The following CDH12 variants were observed in gnomAD, a reference collection of about 807,000 sequenced individuals.
CDH12 encodes the protein cadherin 12.
CDH12 carries 41 observed loss-of-function variants against 74.1 expected under a neutral mutation model. That is an observed-to-expected ratio of 0.55 (90% CI 0.43 to 0.72). The LOEUF (loss-of-function observed/expected upper bound fraction) is 0.72. CDH12 is among the 30% of genes least tolerant of loss of function. CDH12 has a pLI of 0.00. For synonymous variants in CDH12, 399 were observed against 355.0 expected (o/e 1.12, Z -1.39); for missense variants, 945 against 977.2 (o/e 0.97, Z 0.44).
intron 6 of CDH12, among the ~76,000 whole-genome samples, chr5:21,855,963 T>G (rs1750734895): frequency 6.6e-6 from 1 of 151,706 alleles, no homozygotes; most frequent in African/African-American, 2.4e-5. Context: ...GCCAAGGTCT[T>G]TCAGTTTAAA....
chr5:22,191,799 C>T (rs1177025222), intron 4 of CDH12, among the ~76,000 whole-genome samples: 1 of 151,808 alleles, frequency 6.6e-6, no homozygotes, highest in Non-Finnish European at 1.5e-5. Context: ...CTCCTGACCT[C>T]GTGATCCGCC....
At chr5:22,480,933 C>A (rs946036867) in intron 2 of CDH12, among the ~76,000 whole-genome samples, 1 of 152,136 alleles carries the variant, frequency 6.6e-6, no homozygotes, top group African/African-American at 2.4e-5. Context: ...ATTTTTCCAG[C>A]AAGAAATTAT....
At position 22,411,534 on chromosome 5, in the gene CDH12, G is replaced by T. The variant is rs1036910505; in HGVS notation, c.-427-6183C>A. Reference sequence around the variant, plus strand: ...AAAGATATTTCAGTCAGCATAATTCGAGCTCAAAAGATTAAAGCTATTTCA... The same window carrying T: ...AAAGATATTTCAGTCAGCATAATTCTAGCTCAAAAGATTAAAGCTATTTCA... On this transcript the variant is annotated intron_variant, in intron 2 of 14. Transcript: ENST00000382254. Among the ~76,000 whole-genome samples, 3 of 151,884 alleles carry T rather than the reference G, an allele frequency of 2.0e-5. No individual in the cohort carries two copies. The South Asian group carries it at 6.2e-4, about 31-fold the overall frequency.
intron 1 of CDH12, among the ~76,000 whole-genome samples, chr5:22,802,457 G>T (rs1340428760): frequency 1.3e-5 from 2 of 152,062 alleles, no homozygotes. Flanking sequence ...GTTAGTAATT[G>T]TTTCAAATTG....
chr5:22,780,655 A>G (rs1040956327), intron 1 of CDH12, among the ~76,000 whole-genome samples: 1 of 152,066 alleles, frequency 6.6e-6, no homozygotes, highest in Non-Finnish European at 1.5e-5. Context: ...CTCTCACGAT[A>G]TGTGGGGATT....
intron 1 of CDH12, among the ~76,000 whole-genome samples, chr5:22,732,918 A>G (rs1173668606): frequency 6.6e-6 from 1 of 151,854 alleles, no homozygotes; most frequent in Non-Finnish European, 1.5e-5. Flanking sequence ...AAACTAATAT[A>G]CCCACTTTTA....
chr5:22,261,750 C>T (rs577379757), intron 3 of CDH12, among the ~76,000 whole-genome samples: 18 of 147,924 alleles, frequency 1.2e-4, no homozygotes, highest in Admixed American at 2.0e-4. Flanking sequence ...GTGTCCCACA[C>T]GGGTGTCAAG....
At chr5:22,826,171 C>A (rs1734422221) in intron 1 of CDH12, among the ~76,000 whole-genome samples, 1 of 151,994 alleles carries the variant, frequency 6.6e-6, no homozygotes, top group African/African-American at 2.4e-5. Flanking sequence ...GGGGCTGGGT[C>A]TTTCTTGTGC....
intron 1 of CDH12, among the ~76,000 whole-genome samples, chr5:22,642,986 T>C (rs1007759009): frequency 1.3e-5 from 2 of 152,156 alleles, no homozygotes; most frequent in Non-Finnish European, 2.9e-5. Context: ...TGCTCCATAA[T>C]TCCCAGAGGT....
chr5:22,728,266 C>A (rs1054840457), intron 1 of CDH12, among the ~76,000 whole-genome samples: 1 of 151,548 alleles, frequency 6.6e-6, no homozygotes, highest in Non-Finnish European at 1.5e-5. Flanking sequence ...TGACATGTAA[C>A]TTTTGATTTT....
chr5:22,228,551 G>A (rs971113461), intron 3 of CDH12, among the ~76,000 whole-genome samples: 3 of 152,090 alleles, frequency 2.0e-5, no homozygotes, highest in Non-Finnish European at 4.4e-5. Context: ...AAGAACTCAT[G>A]TTTTATAAAA....
intron 1 of CDH12, among the ~76,000 whole-genome samples, chr5:22,808,766 T>G (rs1748956414): frequency 7.2e-6 from 1 of 139,440 alleles, no homozygotes; most frequent in Non-Finnish European, 1.6e-5. Flanking sequence ...CACCTGGTTT[T>G]TTTTTTTTTT....
chr5:21,887,462 T>C (rs928234782), intron 6 of CDH12, among the ~76,000 whole-genome samples: 1 of 152,174 alleles, frequency 6.6e-6, no homozygotes, highest in Non-Finnish European at 1.5e-5. Context: ...TTCTGATGAA[T>C]AGACAGATCT....
At chr5:22,627,135 G>A (rs960406001) in intron 1 of CDH12, among the ~76,000 whole-genome samples, 16 of 152,088 alleles carry the variant, frequency 1.1e-4, no homozygotes, top group Non-Finnish European at 2.4e-4. Flanking sequence ...AAAAGAGAGG[G>A]AGATGAAGCA....
chr5:22,561,636 T>C (rs1739053222), intron 1 of CDH12, among the ~76,000 whole-genome samples: 1 of 152,158 alleles, frequency 6.6e-6, no homozygotes, highest in Non-Finnish European at 1.5e-5. Context: ...AAAATTCACT[T>C]TCAACTTTGT....
At chr5:22,127,211 T>C (rs1580293161) in intron 4 of CDH12, among the ~76,000 whole-genome samples, 1 of 151,780 alleles carries the variant, frequency 6.6e-6, no homozygotes, top group African/African-American at 2.4e-5. Context: ...AAGAGAAAAA[T>C]GGCTGGGCAC....
intron 9 of CDH12, among the ~76,000 whole-genome samples, chr5:21,806,314 TC>T (rs1561200761): frequency 6.6e-6 from 1 of 152,148 alleles, no homozygotes; most frequent in Non-Finnish European, 1.5e-5. Flanking sequence ...CGTGGGCAGG[TC>T]TTTTCTATGC....
At chr5:22,411,105 C>A (rs1743152285) in intron 2 of CDH12, among the ~76,000 whole-genome samples, 1 of 149,342 alleles carries the variant, frequency 6.7e-6, no homozygotes, top group Non-Finnish European at 1.5e-5. Flanking sequence ...CAGGTATATA[C>A]AAAGATATAT....
chr5:21,891,112 A>G (rs1752878663), intron 6 of CDH12, among the ~76,000 whole-genome samples: 1 of 152,074 alleles, frequency 6.6e-6, no homozygotes, highest in South Asian at 2.1e-4. Flanking sequence ...ATCTATCCTG[A>G]GTTGTTTATA....
Sources: gnomAD v4.1 joint callset for allele counts (sites outside exome capture counted in the v4.1 genomes callset) on GRCh38, gnomAD v4.1.1 for gene constraint, MANE v1.5 for transcripts, NCBI Gene and HGNC (gene_info 2026-07-23, HGNC 2026-07-21) for gene names.